Variants in FGF13 observed in about 807,000 individuals in gnomAD.
FGF13 encodes the protein fibroblast growth factor homologous factor 2.
In FGF13, 2 loss-of-function variants were observed where a neutral mutation model predicts 19.5. That is an observed-to-expected ratio of 0.10 (90% confidence interval 0.04 to 0.32). The LOEUF (loss-of-function observed/expected upper bound fraction) is 0.32. Ranked by LOEUF, FGF13 falls within the 10% of genes least tolerant of loss-of-function variation. The pLI is 1.00. For synonymous variants in FGF13, 72 were observed against 76.9 expected, an observed-to-expected ratio of 0.94 and a Z score of 0.33; for missense variants, 113 against 192.7, an observed-to-expected ratio of 0.59 and a Z score of 2.45.
At chrX:138,930,600 C>A (rs1029052711) in intron 1 of FGF13, among the ~76,000 whole-genome samples, 1 of 111,931 alleles carries the variant, frequency 8.9e-6, no homozygotes, top group East Asian at 2.8e-4. Flanking sequence ...TGTTCAGTGT[C>A]ATTTCTCATC....
intron 1 of FGF13, among the ~76,000 whole-genome samples, chrX:138,978,599 A>G (rs2091950876): frequency 8.9e-6 from 1 of 112,427 alleles, no homozygotes; most frequent in African/African-American, 3.2e-5. Context: ...GATGGTTTCA[A>G]TCAACAATGA....
At position 138,616,190 on chromosome X, in the gene FGF13, A is replaced by G. The variant is rs1260747493; in HGVS notation, c.*16660T>C. ...AAGTCCAAAGTCTCATCTGAGACAAAGCAAGTCCCTTCCACCTATAAGCCT... is the reference window on the plus strand; with the variant it reads ...AAGTCCAAAGTCTCATCTGAGACAAGGCAAGTCCCTTCCACCTATAAGCCT... On this transcript the variant is annotated 3_prime_UTR_variant, in exon 5 of 5. Coordinates refer to ENST00000315930, the MANE Select transcript of FGF13 (RefSeq NM_004114.5). 8.9e-6 allele frequency: 1 copy of G among 112,288 alleles called. No individual in the cohort carries two copies. Among genetic ancestry groups the G allele is most frequent in the Non-Finnish European group, 1.9e-5 (1 of 53,307 alleles). The allele number at this position is 112,288 out of a possible 1,213,427, so 9.3% of individuals were successfully genotyped here.
chrX:138,928,662 C>A (rs1157926666), intron 1 of FGF13, among the ~76,000 whole-genome samples: 1 of 111,585 alleles, frequency 9.0e-6, no homozygotes, highest in African/African-American at 3.3e-5. Context: ...GAGCCTCAAA[C>A]CAAATAACTA....
Position 138,617,320 on chromosome X carries a change from T to C in FGF13, c.*15530A>G, listed in dbSNP as rs750009558. On this transcript the variant is annotated 3_prime_UTR_variant, in exon 5 of 5. Transcript: ENST00000315930. ...GTGCATTGATGTCTGTAACTTATTT[T>C]GAAATGCAAAAAAATAATTATTTTA... 9.9e-4 allele frequency: 111 copies of C among 111,703 alleles called. 1 individual carries two copies. Among genetic ancestry groups the C allele is most frequent in the African/African-American group, 3.6e-3 (110 of 30,812 alleles). The allele number at this position is 111,703 out of a possible 1,213,427, so 9.2% of individuals were successfully genotyped here. A position where few individuals can be genotyped will look rare whatever the true frequency, so the allele number is the denominator to read the frequency against.
intron 1 of FGF13, among the ~76,000 whole-genome samples, chrX:138,710,592 T>C (rs2090035878): frequency 8.9e-6 from 1 of 112,314 alleles, no homozygotes; most frequent in Non-Finnish European, 1.9e-5. Context: ...GGGCAGAGTA[T>C]GCCCCCAGGC....
chrX:139,197,543 C>A (rs969737104), intron 1 of FGF13, among the ~76,000 whole-genome samples: 4 of 111,827 alleles, frequency 3.6e-5, no homozygotes, highest in Non-Finnish European at 5.6e-5. Context: ...CTATTGAATG[C>A]CCCAGTGTGG....
chrX:138,669,002 T>C (rs1044923802), intron 3 of FGF13, among the ~76,000 whole-genome samples: 6 of 110,379 alleles, frequency 5.4e-5, no homozygotes, highest in African/African-American at 1.6e-4. Context: ...GATGAGAAAA[T>C]AAAAGCAAAG....
At chrX:138,888,301 T>C (rs1161007485) in intron 1 of FGF13, among the ~76,000 whole-genome samples, 1 of 112,054 alleles carries the variant, frequency 8.9e-6, no homozygotes, top group African/African-American at 3.2e-5. Flanking sequence ...GATACTGAAA[T>C]TGAGAAGGCC....
At chrX:139,070,219 C>T (rs926858137) in intron 1 of FGF13, among the ~76,000 whole-genome samples, 4 of 111,643 alleles carry the variant, frequency 3.6e-5, no homozygotes, top group Non-Finnish European at 7.5e-5. Context: ...AAAAAATTTG[C>T]AATCTATCCA....
chrX:139,010,654 C>T (rs780622353), intron 1 of FGF13, among the ~76,000 whole-genome samples: 11 of 111,012 alleles, frequency 9.9e-5, no homozygotes, highest in South Asian at 7.6e-4. Context: ...ACAGCAAATG[C>T]GGTGCTAAGA....
At chrX:138,784,977 A>G (rs997544352) in intron 3 of FGF13, among the ~76,000 whole-genome samples, 2 of 112,023 alleles carry the variant, frequency 1.8e-5, no homozygotes, top group African/African-American at 6.5e-5. Flanking sequence ...GGACATTTCA[A>G]ATGAGCCCTC....
chrX:138,647,546 C>T (rs975531373), intron 3 of FGF13, among the ~76,000 whole-genome samples: 2 of 111,598 alleles, frequency 1.8e-5, no homozygotes, highest in Admixed American at 1.9e-4. Flanking sequence ...TGTTTGGCCA[C>T]GTATCTAGCT....
chrX:138,853,636 T>C (rs1270746993), downstream of FGF13, among the ~76,000 whole-genome samples: 1 of 109,848 alleles, frequency 9.1e-6, no homozygotes, highest in Non-Finnish European at 1.9e-5. Context: ...TGTGTGTGTG[T>C]GTGTGTGTGT....
intron 1 of FGF13, among the ~76,000 whole-genome samples, chrX:138,969,144 G>A (rs966798208): frequency 1.8e-5 from 2 of 111,759 alleles, no homozygotes; most frequent in African/African-American, 6.5e-5. Context: ...GAGAGTGACT[G>A]AAAAACTCGA....
rs1461605936 is a variant in FGF13 at position 138,625,460 on chromosome X, A to G, written c.*7390T>C. ...GACAGATGAATGAAGAAAGAAAATT[A>G]TATATATATACATATATATATATAA... On this transcript the variant is annotated 3_prime_UTR_variant, in exon 5 of 5. Coordinates refer to ENST00000315930, the MANE Select transcript of FGF13 (RefSeq NM_004114.5). 2 of 95,232 alleles carry G rather than the reference A, an allele frequency of 2.1e-5. No individual in the cohort carries two copies. Among genetic ancestry groups the G allele is most frequent in the Non-Finnish European group, 4.2e-5 (2 of 48,138 alleles). The allele number at this position is 95,232 out of a possible 1,213,427, so 7.8% of individuals were successfully genotyped here.
intron 1 of FGF13, among the ~76,000 whole-genome samples, chrX:138,950,826 A>G (rs941827165): frequency 9.0e-6 from 1 of 110,870 alleles, no homozygotes; most frequent in Non-Finnish European, 1.9e-5. Flanking sequence ...CCCCTTCTTA[A>G]TGGGTCATCT....
intron 3 of FGF13, among the ~76,000 whole-genome samples, chrX:138,700,415 G>A (rs911594365): frequency 7.2e-5 from 8 of 111,323 alleles, no homozygotes; most frequent in African/African-American, 2.6e-4. Flanking sequence ...CTTCCTCTTT[G>A]GTTGCTGTCT....
chrX:139,164,005 G>A (rs1022665159), intron 1 of FGF13, among the ~76,000 whole-genome samples: 6 of 110,626 alleles, frequency 5.4e-5, no homozygotes, highest in Admixed American at 2.9e-4. Context: ...AACCAAAACC[G>A]AAGTATTTAT....
intron 3 of FGF13, among the ~76,000 whole-genome samples, chrX:138,786,220 C>T (rs2124366521): frequency 9.0e-6 from 1 of 111,670 alleles, no homozygotes; most frequent in Non-Finnish European, 1.9e-5. Context: ...TAGGAACTAC[C>T]CAACAGACAT....
Sources: allele counts gnomAD v4.1 joint callset (sites outside exome capture counted in the v4.1 genomes callset), GRCh38; gene constraint gnomAD v4.1.1; transcripts MANE v1.5; gene names NCBI Gene and HGNC (gene_info 2026-07-23, HGNC 2026-07-21).